The following CAMK2A variants were observed in gnomAD, a reference collection of about 807,000 sequenced individuals.
CAMK2A encodes the protein calcium/calmodulin dependent protein kinase II alpha.
Under a neutral mutation model 79.2 loss-of-function variants are expected in CAMK2A, and 7 were observed. That is an observed-to-expected ratio of 0.09 (90% CI 0.05 to 0.17). The LOEUF (loss-of-function observed/expected upper bound fraction) is 0.17, where lower values mean the gene tolerates loss of function less well. Ranked by LOEUF, CAMK2A falls within the 10% of genes least tolerant of loss-of-function variation. The probability of loss-of-function intolerance (pLI) is 1.00; values close to 1 mark genes in which losing one functional copy is unlikely to be tolerated. For synonymous variants in CAMK2A, 242 were observed against 251.7 expected (o/e 0.96, Z 0.36); for missense variants, 214 against 646.4 (o/e 0.33, Z 7.25).
chr5:150,278,378 TAAA>T (rs112222078), intron 1 of CAMK2A, among the ~76,000 whole-genome samples: 1 of 133,062 alleles, frequency 7.5e-6, no homozygotes. Flanking sequence ...ATCTTCTGTT[TAAA>T]AAAAAAAAAA....
chr5:150,246,441 G>A (rs1387752272), intron 12 of CAMK2A, among the ~76,000 whole-genome samples: 2 of 152,088 alleles, frequency 1.3e-5, no homozygotes, highest in Admixed American at 6.5e-5. Context: ...AGGCCACAGC[G>A]TCTAATTTTC....
chr5:150,256,936 C>T lies in CAMK2A; in HGVS notation c.273-105G>A. 2.1e-6 allele frequency: 2 copies of T among 948,720 alleles called. No individual in the cohort carries two copies. Among genetic ancestry groups the T allele is most frequent in the Non-Finnish European group, 1.6e-6 (1 of 636,114 alleles). The allele number at this position is 948,720 out of a possible 1,614,324, so 58.8% of individuals were successfully genotyped here. On this transcript the variant is annotated intron_variant, in intron 4 of 18. Coordinates refer to ENST00000671881, the MANE Select transcript of CAMK2A (RefSeq NM_015981.4). The surrounding 1 kb of genome is among the most constrained non-coding windows in gnomAD (Gnocchi z 4.6). ...GGATGGGGCCCAGGGACCTCAGGAC[C>T]TCAGCCACAAAAGGAGGGGCCCCAG...
Position 150,250,744 on chromosome 5 carries a change from T to C in CAMK2A, c.760A>G (p.Ile254Val). Residue 254 changes from isoleucine (I) to valine (V), a missense_variant, in exon 10 of 19, where the codon ATT becomes GTT. Coordinates refer to ENST00000671881, the MANE Select transcript of CAMK2A (RefSeq NM_015981.4). ...GCTGTGATGCGTTTGGATGGGTTAA[T>C]GGTCAGCATCTTATTGATCAGATCC... is the stretch of plus-strand genomic sequence containing the variant. ...AKDLINKMLT[I>V]NPSKRITAAE... The C allele has an allele frequency of 6.2e-7, 1 of 1,614,060 alleles. No homozygotes were observed. Among genetic ancestry groups the C allele is most frequent in the Non-Finnish European group, 8.5e-7 (1 of 1,179,986 alleles).
Position 150,228,238 on chromosome 5 carries a change from C to T in CAMK2A, c.1191G>A (p.Gly397=), listed in dbSNP as rs371839355. ...GGAAGTCCAGGCCCTCAACCAGGTT[C>T]CCCAGGGCCTCAGGTTCGAAGGCTG... ...GMTAFEPEAL[G]NLVEGLDFHR... is the part of the protein sequence containing the mutation. Residue 397 remains glycine (G), a synonymous_variant, in exon 17 of 19, where the codon GGG becomes GGA. Coordinates refer to ENST00000671881, the MANE Select transcript of CAMK2A (RefSeq NM_015981.4). The T allele has an allele frequency of 1.7e-4, 272 of 1,613,786 alleles. No individual in the cohort carries two copies. The highest frequency in any genetic ancestry group is 2.3e-4 in the Non-Finnish European group (270 of 1,179,918).
At chr5:150,268,233 C>T (rs1174592524) in intron 2 of CAMK2A, among the ~76,000 whole-genome samples, 1 of 152,154 alleles carries the variant, frequency 6.6e-6, no homozygotes, top group Non-Finnish European at 1.5e-5. Flanking sequence ...TCTCCAACAG[C>T]TTCCCAATAT....
chr5:150,288,478 A>C (rs1406034593), intron 1 of CAMK2A, among the ~76,000 whole-genome samples: 1 of 152,230 alleles, frequency 6.6e-6, no homozygotes, highest in East Asian at 1.9e-4. Context: ...ACACCAGCGT[A>C]CCCCAGTGTC....
chr5:150,247,277 A>G (rs888101697), intron 12 of CAMK2A, among the ~76,000 whole-genome samples: 3 of 152,268 alleles, frequency 2.0e-5, no homozygotes, highest in Non-Finnish European at 4.4e-5. Context: ...GGGACAAGTC[A>G]GAGCTCACCT....
intron 6 of CAMK2A, 140 bp from the exon 7 acceptor site, chr5:150,253,686 C>A: frequency 1.5e-6 from 1 of 675,722 alleles, no homozygotes; most frequent in South Asian, 1.7e-5. Context: ...CATCTCCAGC[C>A]CCGCCTCAGG....
intron 9 of CAMK2A, 137 bp from the exon 10 acceptor site, chr5:150,250,947 G>T: frequency 2.1e-6 from 2 of 964,382 alleles, no homozygotes; most frequent in Non-Finnish European, 3.1e-6. Flanking sequence ...GAGGAGTTGG[G>T]GCTCCTCACT....
chr5:150,252,658 G>A (rs1028768916), intron 7 of CAMK2A, among the ~76,000 whole-genome samples: 3 of 152,186 alleles, frequency 2.0e-5, no homozygotes, highest in Non-Finnish European at 2.9e-5. Context: ...TCAAATAATG[G>A]ACACCTGAGG....
intron 1 of CAMK2A, among the ~76,000 whole-genome samples, chr5:150,289,326 A>T (rs1757565570): frequency 2.0e-5 from 3 of 152,060 alleles, no homozygotes. Flanking sequence ...TACACTGTCA[A>T]CCCTTCATCC....
intron 15 of CAMK2A, among the ~76,000 whole-genome samples, chr5:150,235,490 C>G (rs1036954780): frequency 3.9e-5 from 6 of 152,244 alleles, no homozygotes; most frequent in African/African-American, 1.2e-4. Context: ...CAAGATCATA[C>G]AGCATGCTAA....
intron 6 of CAMK2A, 115 bp from the exon 7 acceptor site, chr5:150,253,661 C>T (rs918157079): frequency 5.1e-5 from 44 of 860,114 alleles, no homozygotes; most frequent in East Asian, 8.0e-5. Flanking sequence ...CCCGGCCCTC[C>T]GGGGCCCCTG....
At chr5:150,277,050 C>T (rs762491820) in intron 1 of CAMK2A, among the ~76,000 whole-genome samples, 25 of 152,066 alleles carry the variant, frequency 1.6e-4, no homozygotes, top group Non-Finnish European at 3.5e-4. Context: ...GGCAACATGG[C>T]GAAACCCCAT....
In CAMK2A at chr5:150,273,057, G is replaced by C. The variant is rs1158102614; in HGVS notation, c.157+8C>G. On this transcript the variant is annotated splice_region_variant and intron_variant, in intron 2 of 18. Transcript: ENST00000671881. ...GGAGGGTGGGCAGGGTAGAAATCAGGCACCTACCTCTGGCTGACAGCTTCT... is the reference window on the plus strand; with the variant it reads ...GGAGGGTGGGCAGGGTAGAAATCAGCCACCTACCTCTGGCTGACAGCTTCT... 6.2e-7 allele frequency: 1 copy of C among 1,609,392 alleles called. No individual in the cohort carries two copies. The highest frequency in any genetic ancestry group is 1.3e-5 in the African/African-American group (1 of 74,670).
rs554707230 is a variant in CAMK2A at position 150,223,799 on chromosome 5, A to G, written c.1238-582T>C. Among the ~76,000 whole-genome samples, 11 of 152,272 alleles carry G rather than the reference A, an allele frequency of 7.2e-5. No homozygotes were observed. The South Asian group carries it at 1.7e-3, about 23-fold the overall frequency. ...TTTTCAAGAGAATCTGGAAATCTGA[A>G]TTTTTATATGAAAACTCTTCATTTT... On this transcript the variant is annotated intron_variant, in intron 17 of 18. Transcript: ENST00000671881. This position sits in a 1 kb window ranked among gnomAD's most constrained non-coding sequence, Gnocchi z 4.1.
intron 9 of CAMK2A, among the ~76,000 whole-genome samples, chr5:150,251,253 T>G (rs1334145245): frequency 6.6e-6 from 1 of 152,174 alleles, no homozygotes; most frequent in African/African-American, 2.4e-5. Flanking sequence ...CAATATAGCT[T>G]GGTAGTTAGA....
At chr5:150,240,769 G>A (rs949243028) in intron 13 of CAMK2A, among the ~76,000 whole-genome samples, 4 of 152,214 alleles carry the variant, frequency 2.6e-5, no homozygotes, top group Non-Finnish European at 4.4e-5. Context: ...CAGGCCCTGC[G>A]TTCAGGCTCT....
intron 14 of CAMK2A, among the ~76,000 whole-genome samples, chr5:150,239,240 A>G (rs1422115556): frequency 6.6e-6 from 1 of 152,108 alleles, no homozygotes; most frequent in Non-Finnish European, 1.5e-5. Flanking sequence ...TGGACCCTAG[A>G]CAGAGGCAGG....
Sources: gnomAD v4.1 joint callset for allele counts (sites outside exome capture counted in the v4.1 genomes callset) on GRCh38, gnomAD v4.1.1 for gene constraint, Gnocchi (gnomAD v3.1) non-coding constraint, MANE v1.5 for transcripts, NCBI Gene and HGNC (gene_info 2026-07-23, HGNC 2026-07-21) for gene names.